The following MYO9A variants were observed in gnomAD, a reference collection of about 807,000 sequenced individuals.
MYO9A encodes myosin IXA.
In MYO9A, 103 loss-of-function variants were observed where a neutral mutation model predicts 293.3. The ratio of observed to expected loss-of-function variants is 0.35; its 90% CI spans 0.30 to 0.41. The LOEUF (loss-of-function observed/expected upper bound fraction) is 0.41. MYO9A is among the 10% of genes least tolerant of loss of function. The pLI, the probability that MYO9A is intolerant of heterozygous loss-of-function variation, is 1.00. For synonymous variants in MYO9A, 1,001 were observed against 1,035.7 expected, an observed-to-expected ratio of 0.97 and a Z score of 0.64; for missense variants, 2,685 against 3,033.0, an observed-to-expected ratio of 0.89 and a Z score of 2.69.
At chr15:71,834,055 A>G (rs1403248525) in intron 39 of MYO9A, among the ~76,000 whole-genome samples, 1 of 152,132 alleles carries the variant, frequency 6.6e-6, no homozygotes, top group Non-Finnish European at 1.5e-5. Flanking sequence ...ATCAAAGCCA[A>G]ATGTAGCTCT....
At chr15:71,933,461 T>C (rs1289490971) in intron 18 of MYO9A, among the ~76,000 whole-genome samples, 2 of 152,154 alleles carry the variant, frequency 1.3e-5, no homozygotes, top group Non-Finnish European at 2.9e-5. Flanking sequence ...GAAAATGGTA[T>C]ATATCACAAA....
intron 34 of MYO9A, among the ~76,000 whole-genome samples, chr15:71,855,324 C>T (rs530228906): frequency 2.6e-5 from 4 of 152,208 alleles, no homozygotes; most frequent in African/African-American, 9.6e-5. Flanking sequence ...TTAGTAGAGA[C>T]GGAGTTTCAT....
rs1440710114 is a variant in MYO9A, at chr15:71,824,155, A to C, written c.*2425T>G. On this transcript the variant is annotated 3_prime_UTR_variant, in exon 42 of 42. Transcript: ENST00000356056. ...CTCACCCACCCACCCCAATCCTGGC[A>C]GATTAAATTACTAGAAATCCACAAA... is the stretch of plus-strand genomic sequence containing the variant. 6.6e-6 allele frequency: 1 copy of C among 152,094 alleles called. No individual in the cohort carries two copies. The highest frequency in any genetic ancestry group is 1.9e-4 in the East Asian group (1 of 5,194). The allele number at this position is 152,094 out of a possible 1,614,324, so 9.4% of individuals were successfully genotyped here.
At position 72,019,105 on chromosome 15, in the gene MYO9A, A is replaced by G. The variant is rs1447271745; in HGVS notation, c.1099-10T>C. 6.8e-6 allele frequency: 11 copies of G among 1,611,082 alleles called. No individual in the cohort carries two copies. The highest frequency in any genetic ancestry group is 9.3e-6 in the Non-Finnish European group (11 of 1,177,394). Reference sequence around the variant, plus strand: ...GGGGTTTCTTTGTTATCTGAAAGTAAGGCAGATTAGTTAGGTAGAAGTAAT... The same window carrying G: ...GGGGTTTCTTTGTTATCTGAAAGTAGGGCAGATTAGTTAGGTAGAAGTAAT... On this transcript the variant is annotated splice_polypyrimidine_tract_variant and intron_variant, in intron 5 of 41. Coordinates refer to ENST00000356056, the MANE Select transcript of MYO9A (RefSeq NM_006901.4).
At chr15:71,891,832 A>C (rs1258010063) in intron 26 of MYO9A, 6 of 152,222 alleles carry the variant, frequency 3.9e-5, no homozygotes, top group Admixed American at 2.0e-4. Context: ...AAAGACAACG[A>C]GAGTATTCTG....
At chr15:72,095,267 T>G (rs2080032816) in intron 1 of MYO9A, among the ~76,000 whole-genome samples, 1 of 92,802 alleles carries the variant, frequency 1.1e-5, no homozygotes, top group African/African-American at 2.6e-5. Flanking sequence ...ACAAATAAGA[T>G]AGCAAAACCA....
Position 71,844,745 on chromosome 15 carries a change from A to AGAAATTAAATACTATAAATC in MYO9A, c.6837+4080_6837+4099dup, listed in dbSNP as rs531194550. 2.6e-4 allele frequency among the ~76,000 whole-genome samples: 40 copies of AGAAATTAAATACTATAAATC among 152,356 alleles called. No homozygotes were observed. In the East Asian group the frequency reaches 7.3e-3, roughly 28 times the overall value. On this transcript the variant is annotated intron_variant, in intron 39 of 41. Transcript: ENST00000356056. ...GGCAAGGCATGATTGATGGGCACAA[A>AGAAATTAAATACTATAAATC]GAAATTAAATACTATAAATCGAAGT...
intron 2 of MYO9A, among the ~76,000 whole-genome samples, chr15:72,037,485 A>T (rs1383510829): frequency 6.6e-6 from 1 of 152,142 alleles, no homozygotes; most frequent in Non-Finnish European, 1.5e-5. Context: ...AAGGTAAGGC[A>T]GAGTTGACAA....
rs1462901272 is a variant in MYO9A, at chr15:71,849,277, CTGTCTCTACTAAAA to C, written c.6714-323_6714-310del. Among the ~76,000 whole-genome samples the C allele has an allele frequency of 2.0e-5, 3 of 152,170 alleles. No individual in the cohort carries two copies. The East Asian group carries it at 5.8e-4, about 29-fold the overall frequency. On this transcript the variant is annotated intron_variant, in intron 38 of 41. Coordinates refer to ENST00000356056, the MANE Select transcript of MYO9A (RefSeq NM_006901.4). Reference sequence around the variant, plus strand: ...CCAACCTGGCCAACATGGTGAAACCCTGTCTCTACTAAAAATACTAAATCAGCCAGGCATGGTGG... The same window carrying C: ...CCAACCTGGCCAACATGGTGAAACCCATACTAAATCAGCCAGGCATGGTGG...
intron 33 of MYO9A, among the ~76,000 whole-genome samples, chr15:71,861,883 C>T (rs1206323738): frequency 6.6e-6 from 1 of 152,162 alleles, no homozygotes; most frequent in Admixed American, 6.5e-5. Context: ...CCTGTAATCC[C>T]AGCACTTTAG....
chr15:71,897,129 C>G (rs1019328857), intron 25 of MYO9A: 1 of 211,330 alleles, frequency 4.7e-6, no homozygotes, highest in African/African-American at 2.3e-5. Flanking sequence ...AAACAACCTT[C>G]AACTACTAAA....
At chr15:71,906,754 C>CTT (rs1246782944) in intron 19 of MYO9A, among the ~76,000 whole-genome samples, 7 of 40,936 alleles carry the variant, frequency 1.7e-4, no homozygotes, top group Non-Finnish European at 3.1e-4. Context: ...ATATCCATTT[C>CTT]TTTCTTTTTT....
At chr15:71,873,246 C>CTT (rs2056577258) in intron 32 of MYO9A, among the ~76,000 whole-genome samples, 1 of 152,152 alleles carries the variant, frequency 6.6e-6, no homozygotes, top group Non-Finnish European at 1.5e-5. Context: ...CTTAACAAAA[C>CTT]ATCTTGGTGA....
At chr15:71,849,399 A>T (rs1250163342) in intron 38 of MYO9A, among the ~76,000 whole-genome samples, 4 of 152,176 alleles carry the variant, frequency 2.6e-5, no homozygotes, top group African/African-American at 9.7e-5. Context: ...CAGTGAGCCA[A>T]GATCATGCCA....
chr15:72,032,632 AAT>A (rs1491461184), intron 2 of MYO9A, 44 bp from the exon 3 acceptor site: 89 of 1,484,438 alleles, frequency 6.0e-5, no homozygotes, highest in Admixed American at 1.4e-4. Flanking sequence ...AAAAAAAAAA[AAT>A]TTTTTTTTGG....
intron 27 of MYO9A, among the ~76,000 whole-genome samples, chr15:71,885,161 A>G (rs2142770878): frequency 6.6e-6 from 1 of 152,068 alleles, no homozygotes; most frequent in African/African-American, 2.4e-5. Flanking sequence ...TAACTATCAT[A>G]CTCATGGCCA....
chr15:71,953,433 T>A (rs1297385963), intron 14 of MYO9A, among the ~76,000 whole-genome samples: 1 of 152,232 alleles, frequency 6.6e-6, no homozygotes, highest in Non-Finnish European at 1.5e-5. Flanking sequence ...AATCTGATAA[T>A]CAGCTAGTCA....
At chr15:72,077,746 AAAAAAAATATATATATAT>A (rs1415194461) in intron 1 of MYO9A, among the ~76,000 whole-genome samples, 1 of 42,506 alleles carries the variant, frequency 2.4e-5, no homozygotes, top group East Asian at 3.2e-4. Flanking sequence ...AAAAAAAAAA[AAAAAAAATATATATATAT>A]ATATATATAT....
intron 12 of MYO9A, among the ~76,000 whole-genome samples, chr15:71,970,109 C>G (rs1469773505): frequency 6.6e-6 from 1 of 152,200 alleles, no homozygotes; most frequent in African/African-American, 2.4e-5. Flanking sequence ...AATGTAGATT[C>G]TGATTCAACA....
Sources: gnomAD v4.1 joint callset for allele counts (sites outside exome capture counted in the v4.1 genomes callset) on GRCh38, gnomAD v4.1.1 for gene constraint, MANE v1.5 for transcripts, NCBI Gene and HGNC (gene_info 2026-07-23, HGNC 2026-07-21) for gene names.